SAAL1: variants seen among roughly 807,000 people sequenced by gnomAD.
SAAL1 encodes the protein protein SAAL1.
SAAL1 carries 42 observed loss-of-function variants against 59.8 expected under a neutral mutation model. The ratio of observed to expected loss-of-function variants is 0.70; its 90% CI spans 0.55 to 0.91. The LOEUF (loss-of-function observed/expected upper bound fraction) is 0.91. Among genes scored for constraint, SAAL1 ranks in the 40% least tolerant of loss-of-function variants. SAAL1 has a pLI of 0.00. For missense variants in SAAL1, 542 were observed against 561.1 expected (o/e 0.97, Z 0.34); for synonymous variants, 191 against 194.3 (o/e 0.98, Z 0.14).
intron 3 of SAAL1, among the ~76,000 whole-genome samples, chr11:18,096,228 C>T (rs747575470): frequency 2.0e-5 from 3 of 152,088 alleles, no homozygotes; most frequent in Admixed American, 2.0e-4. Flanking sequence ...CTGGTCCGGC[C>T]TGAATCTAAA....
At chr11:18,104,440 C>CT (rs201232815) in intron 1 of SAAL1, among the ~76,000 whole-genome samples, 56,093 of 143,860 alleles carry the variant, frequency 0.39, 10,825 homozygotes, top group Middle Eastern at 0.45. Context: ...TACATTTAAG[C>CT]TTTTTTTTTT....
Position 18,083,619 on chromosome 11 carries a change from A to G in SAAL1, c.1155T>C (p.Asp385=), listed in dbSNP as rs747933461. 6.2e-7 allele frequency: 1 copy of G among 1,607,372 alleles called. No individual in the cohort carries two copies. The highest frequency in any genetic ancestry group is 1.3e-5 in the African/African-American group (1 of 74,940). The change falls in exon 10 of 12, where the codon GAT becomes GAC. Residue 385 remains aspartate, a synonymous_variant. Coordinates refer to ENST00000524803, the MANE Select transcript of SAAL1 (RefSeq NM_138421.3). ...TCAAGTGGAAATCATCTTGGGTTAA[A>G]TCAGTCCTTTTAGTTTCCTCTGTGT... is the stretch of plus-strand genomic sequence containing the variant. ...ESNTEETKRT[D]LTQDDFHLKI...
chr11:18,104,949 GA>G (rs1158011199), intron 1 of SAAL1, among the ~76,000 whole-genome samples: 1 of 152,108 alleles, frequency 6.6e-6, no homozygotes, highest in African/African-American at 2.4e-5. Flanking sequence ...AATAGGAGGA[GA>G]GGAACCAATT....
At chr11:18,091,036 G>GCACTC (rs1376375519) in intron 4 of SAAL1, 2 of 152,244 alleles carry the variant, frequency 1.3e-5, no homozygotes, top group East Asian at 3.8e-4. Flanking sequence ...CTGCTGCAGA[G>GCACTC]CACTCCATTG....
At position 18,106,079 on chromosome 11, in the gene SAAL1, A is replaced by G. The variant is rs754041455; in HGVS notation, c.-38T>C. On this transcript the variant is annotated 5_prime_UTR_variant, in exon 1 of 12. Transcript: ENST00000524803. The stretch of plus-strand genomic sequence containing the variant: ...TCCCGCGCTTGAAGGCCGTGCCGGA[A>G]GCTGCGGAGGAGACGACCGGCGCCC... 53 of 1,574,498 alleles carry G rather than the reference A, an allele frequency of 3.4e-5. No individual in the cohort carries two copies. Among genetic ancestry groups the G allele is most frequent in the Non-Finnish European group, 3.9e-5 (45 of 1,168,092 alleles).
At chr11:18,088,563 T>C (rs745849804) in intron 7 of SAAL1, among the ~76,000 whole-genome samples, 2 of 152,206 alleles carry the variant, frequency 1.3e-5, no homozygotes, top group Non-Finnish European at 2.9e-5. Flanking sequence ...CAATAATGGC[T>C]TGATTGGCAT....
chr11:18,084,029 G>A lies in SAAL1; in HGVS notation c.1043-298C>T, dbSNP rs548080758. Among the ~76,000 whole-genome samples the A allele has an allele frequency of 1.4e-4, 22 of 152,190 alleles. 1 individual carries two copies. Among genetic ancestry groups the A allele is most frequent in the South Asian group, 4.1e-4 (2 of 4,828 alleles). On this transcript the variant is annotated intron_variant, in intron 9 of 11. Coordinates refer to ENST00000524803, the MANE Select transcript of SAAL1 (RefSeq NM_138421.3). Reference sequence around the variant, plus strand: ...TTGAGTTGAGAACTAAAGCAATGAAGCATCAGCAATTAAAATACCCTAGGA... The same window carrying A: ...TTGAGTTGAGAACTAAAGCAATGAAACATCAGCAATTAAAATACCCTAGGA...
intron 2 of SAAL1, among the ~76,000 whole-genome samples, chr11:18,101,825 A>T (rs1193018972): frequency 8.0e-4 from 120 of 150,782 alleles, no homozygotes; most frequent in Middle Eastern, 6.8e-3. Flanking sequence ...AGCAATAAAA[A>T]AAAAAAAAAA....
intron 3 of SAAL1, 116 bp downstream of exon 3, chr11:18,096,655 C>A: frequency 1.5e-6 from 1 of 674,792 alleles, no homozygotes; most frequent in Non-Finnish European, 2.7e-6. Flanking sequence ...CATCTACAGG[C>A]TGATTTGTTG....
At position 18,090,503 on chromosome 11, in the gene SAAL1, CAAAG is replaced by C. The variant is rs763100759; in HGVS notation, c.414-14_414-11del. On this transcript the variant is annotated splice_polypyrimidine_tract_variant and intron_variant, in intron 4 of 11. Coordinates refer to ENST00000524803, the MANE Select transcript of SAAL1 (RefSeq NM_138421.3). ...GTGCAATAACACCTGCCTACAAAAA[CAAAG>C]AAGTTAACCGATATGCCTCACTTCT... is the stretch of plus-strand genomic sequence containing the variant. 62 of 1,600,644 alleles carry C rather than the reference CAAAG, an allele frequency of 3.9e-5. No individual in the cohort carries two copies. In the East Asian group the frequency reaches 1.4e-3, roughly 35 times the overall value.
chr11:18,085,880 AG>A (rs1252225590), intron 9 of SAAL1, among the ~76,000 whole-genome samples: 3 of 152,210 alleles, frequency 2.0e-5, no homozygotes, highest in South Asian at 2.1e-4. Context: ...AAGTTATCAA[AG>A]GGGGAAAAAA....
Position 18,103,343 on chromosome 11 carries a change from C to A in SAAL1, c.139G>T (p.Val47Phe). The A allele has an allele frequency of 1.2e-6, 2 of 1,608,974 alleles. No homozygotes were observed. Among genetic ancestry groups the A allele is most frequent in the South Asian group, 1.1e-5 (1 of 90,972 alleles). ...FGVLSGLIQI[V>F]SPENTKSSSD... ...CTAGATTTGGTGTTTTCAGGGCTAACAATCTTCAGAAACACAAAGAAAGAA... is the reference window on the plus strand; with the variant it reads ...CTAGATTTGGTGTTTTCAGGGCTAAAAATCTTCAGAAACACAAAGAAAGAA... The change falls in exon 2 of 12, where the codon GTT (valine) becomes TTT (phenylalanine). Residue 47 changes from valine (V) to phenylalanine (F), a missense_variant. Val to Phe is a conservative substitution (Grantham distance 50). Coordinates refer to ENST00000524803, the MANE Select transcript of SAAL1 (RefSeq NM_138421.3).
intron 1 of SAAL1, among the ~76,000 whole-genome samples, chr11:18,103,627 G>T (rs1444906494): frequency 6.6e-6 from 1 of 152,160 alleles, no homozygotes; most frequent in Non-Finnish European, 1.5e-5. Context: ...GGGTGTGTGT[G>T]TACCTGTGAT....
intron 3 of SAAL1, among the ~76,000 whole-genome samples, chr11:18,093,577 G>A (rs757499522): frequency 3.9e-4 from 60 of 152,062 alleles, no homozygotes; most frequent in Admixed American, 2.0e-3. Flanking sequence ...CACTCACGGT[G>A]GCCAGGCATT....
At chr11:18,097,930 A>G (rs1332952376) in intron 2 of SAAL1, among the ~76,000 whole-genome samples, 3 of 152,126 alleles carry the variant, frequency 2.0e-5, no homozygotes, top group African/African-American at 7.2e-5. Flanking sequence ...GGATCACTTG[A>G]GCCCAGGAGT....
intron 9 of SAAL1, 57 bp from the exon 10 acceptor site, chr11:18,083,788 A>G: frequency 8.6e-7 from 1 of 1,165,420 alleles, no homozygotes; most frequent in East Asian, 2.4e-5. Context: ...TTTTTCATTC[A>G]TATGTATTGA....
At chr11:18,099,863 T>C (rs531825127) in intron 2 of SAAL1, among the ~76,000 whole-genome samples, 3 of 152,310 alleles carry the variant, frequency 2.0e-5, no homozygotes, top group East Asian at 3.9e-4. Context: ...ACTGAATTCA[T>C]GGTTACAGAA....
rs1318448700 is a variant in SAAL1 at position 18,096,836 on chromosome 11, G to A, written c.268C>T (p.Gln90Ter). 6.3e-7 allele frequency: 1 copy of A among 1,578,364 alleles called. No individual in the cohort carries two copies. The highest frequency in any genetic ancestry group is 1.8e-5 in the Admixed American group (1 of 54,962). ...AATATATCAGGAGCATTAAATTCTT[G>A]GAGAAATAAAGCCACGTCCTGAAAA... ...SMDEDVALFLQEFNAPDIFMG... is the reference protein window; with the variant it reads ...SMDEDVALFL The change falls in exon 3 of 12, where the codon CAA becomes TAA. Residue 90 changes from glutamine (Q) to a stop codon, truncating the protein, a stop_gained. Transcript: ENST00000524803. LOFTEE classifies it high-confidence loss of function.
At chr11:18,103,393 T>C (rs1166950822) in intron 1 of SAAL1, 47 bp from the exon 2 acceptor site, 17 of 1,373,578 alleles carry the variant, frequency 1.2e-5, no homozygotes, top group Non-Finnish European at 1.8e-5. Context: ...TTGTCTACAA[T>C]ACTAACCAGG....
Sources: allele counts gnomAD v4.1 joint callset (sites outside exome capture counted in the v4.1 genomes callset), GRCh38; gene constraint gnomAD v4.1.1; transcripts MANE v1.5; gene names NCBI Gene and HGNC (gene_info 2026-07-23, HGNC 2026-07-21).